The following SPTSSB variants were observed in gnomAD, a reference collection of about 807,000 sequenced individuals.
SPTSSB encodes androgen down regulated in mouse prostate.
In SPTSSB, 6 loss-of-function variants were observed where a neutral mutation model predicts 7.7. The observed-to-expected ratio is 0.78, with a 90% CI of 0.43 to 1.54. SPTSSB has a LOEUF of 1.54. Ranked by LOEUF, SPTSSB falls within the 40% of genes most tolerant of loss-of-function variation. The pLI, the probability that SPTSSB is intolerant of heterozygous loss-of-function variation, is 0.01. For synonymous variants in SPTSSB, 28 were observed against 29.7 expected (o/e 0.94, Z 0.19); for missense variants, 91 against 93.0 (o/e 0.98, Z 0.09).
chr3:161,347,505 G>A (rs181298765), intron 2 of SPTSSB, among the ~76,000 whole-genome samples: 11 of 151,848 alleles, frequency 7.2e-5, no homozygotes, highest in African/African-American at 2.7e-4. Context: ...CAGGTGATCT[G>A]CCCGCCTCAG....
chr3:161,359,883 C>T lies in SPTSSB; in HGVS notation c.-114G>A. On this transcript the variant is annotated 5_prime_UTR_variant, in exon 2 of 3. Coordinates refer to ENST00000620149, the MANE Select transcript of SPTSSB (RefSeq NM_001040100.2). ...TGGGTTAGTTCTCCTCTCTGGGTTG[C>T]TGTTTCCTCATCTGCAAAATAAAGA... 1 of 739,474 alleles carries T rather than the reference C, an allele frequency of 1.4e-6. No individual in the cohort carries two copies. Among genetic ancestry groups the T allele is most frequent in the Non-Finnish European group, 1.7e-6 (1 of 605,572 alleles). The allele number at this position is 739,474 out of a possible 1,614,324, so 45.8% of individuals were successfully genotyped here. A position where few individuals can be genotyped will look rare whatever the true frequency, so the allele number is the denominator to read the frequency against.
At chr3:161,348,321 T>C (rs549180930) in intron 2 of SPTSSB, among the ~76,000 whole-genome samples, 1 of 143,150 alleles carries the variant, frequency 7.0e-6, no homozygotes, top group African/African-American at 2.6e-5. Flanking sequence ...TTAAAAAAAA[T>C]GCATTGATTA....
At chr3:161,352,609 C>A (rs762100851) in intron 2 of SPTSSB, among the ~76,000 whole-genome samples, 2 of 152,120 alleles carry the variant, frequency 1.3e-5, no homozygotes, top group Non-Finnish European at 2.9e-5. Context: ...GGCTGACTGA[C>A]CGATTCAGTT....
intron 2 of SPTSSB, among the ~76,000 whole-genome samples, chr3:161,351,967 G>T (rs1490393215): frequency 2.0e-5 from 3 of 152,168 alleles, no homozygotes; most frequent in Non-Finnish European, 4.4e-5. Context: ...TACCATACTG[G>T]AGAGAAAAGA....
At chr3:161,368,391 C>G (rs143784374) in intron 1 of SPTSSB, among the ~76,000 whole-genome samples, 1 of 151,892 alleles carries the variant, frequency 6.6e-6, no homozygotes, top group Admixed American at 6.6e-5. Context: ...ACACACTGTA[C>G]CCTTTAGTCA....
intron 1 of SPTSSB, among the ~76,000 whole-genome samples, chr3:161,370,727 T>C (rs889050710): frequency 3.3e-5 from 5 of 152,228 alleles, no homozygotes; most frequent in East Asian, 1.9e-4. Flanking sequence ...TGGGCTCATA[T>C]GTGAATTGCC....
At chr3:161,359,110 GT>G in intron 2 of SPTSSB, among the ~76,000 whole-genome samples, 1 of 151,696 alleles carries the variant, frequency 6.6e-6, no homozygotes, top group Non-Finnish European at 1.5e-5. Flanking sequence ...GTATCTAGGT[GT>G]TTTTTTTGTA....
At chr3:161,359,023 C>A (rs549494151) in intron 2 of SPTSSB, among the ~76,000 whole-genome samples, 2 of 152,210 alleles carry the variant, frequency 1.3e-5, no homozygotes, top group South Asian at 4.2e-4. Context: ...GTCCACATCC[C>A]CTACCCTTGG....
At chr3:161,357,854 G>A (rs1386880129) in intron 2 of SPTSSB, among the ~76,000 whole-genome samples, 2 of 152,104 alleles carry the variant, frequency 1.3e-5, no homozygotes, top group African/African-American at 4.8e-5. Context: ...CTTGGAGGAA[G>A]TACAGCGCTG....
intron 1 of SPTSSB, among the ~76,000 whole-genome samples, chr3:161,369,508 T>G (rs1387371199): frequency 1.3e-5 from 2 of 150,048 alleles, no homozygotes; most frequent in Non-Finnish European, 3.0e-5. Context: ...CACCTTCTCA[T>G]GTGTAAATTG....
chr3:161,348,278 A>C (rs1394519138), intron 2 of SPTSSB, among the ~76,000 whole-genome samples: 1 of 132,028 alleles, frequency 7.6e-6, no homozygotes, highest in Non-Finnish European at 1.5e-5. Context: ...AAAACAAAAC[A>C]AAACAAAACA....
chr3:161,369,314 C>CTTTTTTTTTT, intron 1 of SPTSSB, among the ~76,000 whole-genome samples: 1 of 65,718 alleles, frequency 1.5e-5, no homozygotes, highest in Non-Finnish European at 2.7e-5. Flanking sequence ...TTCTTTCTTT[C>CTTTTTTTTTT]TCTTTCTTTC....
At chr3:161,362,062 A>C (rs1313211231) in intron 1 of SPTSSB, among the ~76,000 whole-genome samples, 1 of 152,132 alleles carries the variant, frequency 6.6e-6, no homozygotes, top group African/African-American at 2.4e-5. Flanking sequence ...AACCTACTAA[A>C]ATTTTAAGGC....
rs1560100580 is a variant in SPTSSB, at chr3:161,344,870, ATG to A, written c.*1221_*1222del. 2 of 152,602 alleles carry A rather than the reference ATG, an allele frequency of 1.3e-5. No homozygotes were observed. The highest frequency in any genetic ancestry group is 4.8e-5 in the African/African-American group (2 of 41,464). The allele number at this position is 152,602 out of a possible 1,614,324, so 9.5% of individuals were successfully genotyped here. On this transcript the variant is annotated 3_prime_UTR_variant, in exon 3 of 3. Coordinates refer to ENST00000620149, the MANE Select transcript of SPTSSB (RefSeq NM_001040100.2). ...TTCAGATCTGGTTTCTCTTCAAAAC[ATG>A]TGTTTGTTTTTTTAACAAACATGCA...
chr3:161,362,532 A>G (rs1715053969), intron 1 of SPTSSB, among the ~76,000 whole-genome samples: 1 of 152,118 alleles, frequency 6.6e-6, no homozygotes, highest in African/African-American at 2.4e-5. Flanking sequence ...ACCAAATATA[A>G]GAATTTATTT....
chr3:161,346,387 G>C, intron 2 of SPTSSB, 32 bp from the exon 3 acceptor site: 1 of 1,115,790 alleles, frequency 9.0e-7, no homozygotes, highest in Admixed American at 1.8e-5. Flanking sequence ...TAGAGGATGA[G>C]GAACCAAACA....
chr3:161,353,746 T>G (rs1221247194), intron 2 of SPTSSB, among the ~76,000 whole-genome samples: 1 of 152,220 alleles, frequency 6.6e-6, no homozygotes, highest in African/African-American at 2.4e-5. Context: ...TGTGTAAGAA[T>G]TAGACATAAC....
chr3:161,346,426 A>C, intron 2 of SPTSSB, 71 bp from the exon 3 acceptor site: 105 of 708,902 alleles, frequency 1.5e-4, no homozygotes, highest in Non-Finnish European at 2.1e-4. Flanking sequence ...TCATGATCTC[A>C]GCATGTTAAA....
At chr3:161,367,448 A>G (rs1715271553) in intron 1 of SPTSSB, among the ~76,000 whole-genome samples, 1 of 152,212 alleles carries the variant, frequency 6.6e-6, no homozygotes, top group Non-Finnish European at 1.5e-5. Context: ...CAGTGAACTA[A>G]TAACTGTCTG....
Sources: gnomAD v4.1 joint callset for allele counts (sites outside exome capture counted in the v4.1 genomes callset) on GRCh38, gnomAD v4.1.1 for gene constraint, MANE v1.5 for transcripts, NCBI Gene and HGNC (gene_info 2026-07-23, HGNC 2026-07-21) for gene names.